The following DLGAP2 variants were observed in gnomAD, a reference collection of about 807,000 sequenced individuals.
DLGAP2 encodes disks large-associated protein 2.
Under a neutral mutation model 100.3 loss-of-function variants are expected in DLGAP2, and 26 were observed. That is an observed-to-expected ratio of 0.26 (90% CI 0.19 to 0.36). The LOEUF (loss-of-function observed/expected upper bound fraction) is 0.36. Among genes scored for constraint, DLGAP2 ranks in the 10% least tolerant of loss-of-function variants. The probability of loss-of-function intolerance (pLI) is 1.00; values close to 1 mark genes in which losing one functional copy is unlikely to be tolerated. For synonymous variants in DLGAP2, 886 were observed against 630.1 expected (o/e 1.41, Z -6.08); for missense variants, 1,858 against 1,453.2 (o/e 1.28, Z -4.53).
chr8:1,274,244 G>A (rs188065361), intron 3 of DLGAP2, among the ~76,000 whole-genome samples: 57 of 151,900 alleles, frequency 3.8e-4, no homozygotes, highest in Admixed American at 1.7e-3. Context: ...ATTTAAAATT[G>A]TGAACTCTTC....
At chr8:1,090,090 G>A (rs1425376442) in intron 2 of DLGAP2, among the ~76,000 whole-genome samples, 12 of 138,526 alleles carry the variant, frequency 8.7e-5, no homozygotes, top group African/African-American at 3.3e-4. Context: ...GAGCCCTCCT[G>A]GGCAGACAGG....
At chr8:1,292,350 G>A (rs780143761) in intron 3 of DLGAP2, among the ~76,000 whole-genome samples, 3 of 152,154 alleles carry the variant, frequency 2.0e-5, no homozygotes, top group Admixed American at 1.3e-4. Flanking sequence ...GATCATGTCA[G>A]AGTCCCATCA....
chr8:1,008,387 G>A (rs1801182165), intron 2 of DLGAP2, among the ~76,000 whole-genome samples: 1 of 152,184 alleles, frequency 6.6e-6, no homozygotes, highest in Admixed American at 6.5e-5. Flanking sequence ...TATTGATTTT[G>A]CAGATATGGT....
At chr8:1,201,620 C>T (rs1207530028) in intron 2 of DLGAP2, among the ~76,000 whole-genome samples, 5 of 152,218 alleles carry the variant, frequency 3.3e-5, no homozygotes, top group African/African-American at 7.2e-5. Flanking sequence ...GTGCAGCTCA[C>T]ACAGGGATTT....
intron 3 of DLGAP2, among the ~76,000 whole-genome samples, chr8:1,278,429 A>G (rs1359548400): frequency 6.6e-6 from 1 of 152,172 alleles, no homozygotes; most frequent in Non-Finnish European, 1.5e-5. Flanking sequence ...TGGTTGAGGG[A>G]TAAATATCAA....
chr8:1,423,095 G>A (rs1483914717), intron 3 of DLGAP2, among the ~76,000 whole-genome samples: 1 of 152,180 alleles, frequency 6.6e-6, no homozygotes, highest in East Asian at 1.9e-4. Flanking sequence ...GTAGACAAGT[G>A]GAAATCTTTT....
At chr8:1,663,453 C>T (rs893211060) in intron 8 of DLGAP2, among the ~76,000 whole-genome samples, 6 of 152,036 alleles carry the variant, frequency 3.9e-5, no homozygotes, top group African/African-American at 9.7e-5. Context: ...CGTGGGACGC[C>T]GGACACCGCA....
intron 2 of DLGAP2, among the ~76,000 whole-genome samples, chr8:1,083,224 G>A (rs1396751892): frequency 6.6e-6 from 1 of 152,216 alleles, no homozygotes; most frequent in Non-Finnish European, 1.5e-5. Flanking sequence ...TAACACAAAT[G>A]TCAGCTCTCC....
chr8:1,688,508 G>T (rs1799171015), intron 12 of DLGAP2: 1 of 152,180 alleles, frequency 6.6e-6, no homozygotes, highest in African/African-American at 2.4e-5. Context: ...GGGTGACAGT[G>T]GCCCTGGGTC....
intron 2 of DLGAP2, among the ~76,000 whole-genome samples, chr8:1,129,717 A>C (rs1796245928): frequency 1.3e-5 from 2 of 152,100 alleles, no homozygotes; most frequent in South Asian, 4.1e-4. Flanking sequence ...CCATTCTCCC[A>C]CGTTGTACCT....
At chr8:1,589,719 T>C (rs775842860) in intron 6 of DLGAP2, among the ~76,000 whole-genome samples, 1 of 152,160 alleles carries the variant, frequency 6.6e-6, no homozygotes, top group Non-Finnish European at 1.5e-5. Context: ...TTAAAGAAGA[T>C]GTACAGTAAG....
At chr8:887,642 G>A (rs1411976916) in intron 1 of DLGAP2, among the ~76,000 whole-genome samples, 1 of 152,120 alleles carries the variant, frequency 6.6e-6, no homozygotes, top group Non-Finnish European at 1.5e-5. Context: ...AGCTTAGTTT[G>A]GCTGGATATG....
At chr8:1,571,140 T>G (rs1410608431) in intron 6 of DLGAP2, among the ~76,000 whole-genome samples, 258 of 28,762 alleles carry the variant, frequency 9.0e-3, no homozygotes, top group Non-Finnish European at 1.0e-2. Flanking sequence ...GGGTGAACTG[T>G]GGGGGCATCT....
chr8:1,159,460 A>G (rs1184757663), intron 2 of DLGAP2, among the ~76,000 whole-genome samples: 1 of 152,210 alleles, frequency 6.6e-6, no homozygotes, highest in East Asian at 1.9e-4. Context: ...ATTAATACGC[A>G]GTTATCAGAG....
At chr8:1,023,610 T>A (rs1051041694) in intron 2 of DLGAP2, among the ~76,000 whole-genome samples, 10 of 151,026 alleles carry the variant, frequency 6.6e-5, no homozygotes, top group African/African-American at 2.4e-4. Context: ...AGGCCCCGTT[T>A]GTTCCTGCTC....
chr8:753,749 C>G (rs1207471641), intron 1 of DLGAP2: 3 of 152,216 alleles, frequency 2.0e-5, no homozygotes, highest in African/African-American at 4.8e-5. Context: ...GACACACTTG[C>G]GTGTCCTCTA....
rs999403055 is a variant in DLGAP2 at position 1,707,060 on chromosome 8, C to G, written c.*5654C>G. ...ATGACTTCTTTGCAGAAGAAATGTT[C>G]GTTACCTACTATCAAACTACTTTTT... On this transcript the variant is annotated 3_prime_UTR_variant, in exon 15 of 15. Transcript: ENST00000637795. The G allele has an allele frequency of 6.6e-6, 1 of 152,560 alleles. No homozygotes were observed. Among genetic ancestry groups the G allele is most frequent in the African/African-American group, 2.4e-5 (1 of 41,412 alleles). The allele number at this position is 152,560 out of a possible 1,614,324, so 9.5% of individuals were successfully genotyped here. A position where few individuals can be genotyped will look rare whatever the true frequency, so the allele number is the denominator to read the frequency against.
chr8:1,291,551 C>A (rs1165746880), intron 3 of DLGAP2, among the ~76,000 whole-genome samples: 1 of 152,180 alleles, frequency 6.6e-6, no homozygotes. Flanking sequence ...ATATTCGAAG[C>A]CCTGCCATTC....
intron 2 of DLGAP2, among the ~76,000 whole-genome samples, chr8:1,224,286 A>G (rs1475244595): frequency 6.6e-6 from 1 of 152,236 alleles, no homozygotes; most frequent in African/African-American, 2.4e-5. Context: ...CAGTTCTCTC[A>G]TATAAGAGAC....
Sources: allele counts gnomAD v4.1 joint callset (sites outside exome capture counted in the v4.1 genomes callset), GRCh38; gene constraint gnomAD v4.1.1; transcripts MANE v1.5; gene names NCBI Gene and HGNC (gene_info 2026-07-23, HGNC 2026-07-21).